MARCHF1: variants seen among roughly 807,000 people sequenced by gnomAD.
MARCHF1 encodes E3 ubiquitin-protein ligase MARCHF1.
In MARCHF1, 40 loss-of-function variants were observed where a neutral mutation model predicts 54.2. That is an observed-to-expected ratio of 0.74 (90% CI 0.57 to 0.96). The LOEUF (loss-of-function observed/expected upper bound fraction) is 0.96, where lower values mean the gene tolerates loss of function less well. Ranked by LOEUF, MARCHF1 falls within the 40% of genes least tolerant of loss-of-function variation. MARCHF1 has a pLI of 0.00. For synonymous variants in MARCHF1, 236 were observed against 236.3 expected (o/e 1.00, Z 0.01); for missense variants, 586 against 656.5 (o/e 0.89, Z 1.17).
At chr4:163,949,019 C>T (rs1752077688) in intron 3 of MARCHF1, among the ~76,000 whole-genome samples, 1 of 152,208 alleles carries the variant, frequency 6.6e-6, no homozygotes, top group African/African-American at 2.4e-5. Context: ...ATCTCTGTGG[C>T]CAATGGCACC....
At chr4:164,245,554 C>G (rs1732922127) in intron 1 of MARCHF1, among the ~76,000 whole-genome samples, 1 of 151,702 alleles carries the variant, frequency 6.6e-6, no homozygotes, top group Admixed American at 6.6e-5. Flanking sequence ...CAGGGATGCC[C>G]TCTCTTAGCA....
In MARCHF1 at chr4:163,842,018, C is replaced by G. The variant is rs79871289; in HGVS notation, c.111+12003G>C. On this transcript the variant is annotated intron_variant, in intron 4 of 9. Transcript: ENST00000514618. ...TAAAAATAATTTAACGGGCCATCAA[C>G]TAAGAGGTGGCTTTTGGCTTTTAAC... Among the ~76,000 whole-genome samples the G allele has an allele frequency of 6.8e-3, 1,037 of 152,226 alleles. 6 individuals are homozygous for G. Among genetic ancestry groups the G allele is most frequent in the South Asian group, 0.028 (137 of 4,824 alleles).
At chr4:164,043,415 C>A (rs957310813) in intron 2 of MARCHF1, among the ~76,000 whole-genome samples, 7 of 152,200 alleles carry the variant, frequency 4.6e-5, no homozygotes, top group Non-Finnish European at 8.8e-5. Flanking sequence ...ATGGCCCAAG[C>A]TGTACCTTTA....
At position 163,545,586 on chromosome 4, in the gene MARCHF1, GT is replaced by G. The variant is rs753576734; in HGVS notation, c.1339+9del. The G allele has an allele frequency of 6.2e-7, 1 of 1,610,046 alleles. No homozygotes were observed. Among genetic ancestry groups the G allele is most frequent in the Non-Finnish European group, 8.5e-7 (1 of 1,178,200 alleles). On this transcript the variant is annotated intron_variant, in intron 9 of 9. Transcript: ENST00000514618. ...GATCCAAGAGGGTAAGAAGAAAGAT[GT>G]GCTCTTACCATTGTCATTGCCTTGC...
chr4:163,555,737 GTC>G (rs1266805622), intron 8 of MARCHF1: 1 of 285,872 alleles, frequency 3.5e-6, no homozygotes, highest in Non-Finnish European at 7.2e-6. Flanking sequence ...CAGTGGCATA[GTC>G]TCTCTTCCCC....
intron 1 of MARCHF1, among the ~76,000 whole-genome samples, chr4:164,347,379 TG>T (rs376777533): frequency 7.5e-4 from 114 of 152,308 alleles, no homozygotes; most frequent in African/African-American, 2.7e-3. Flanking sequence ...TTCTTTTCTT[TG>T]CCAGAAACAA....
chr4:163,740,864 C>T (rs1746175643), intron 4 of MARCHF1, among the ~76,000 whole-genome samples: 1 of 152,148 alleles, frequency 6.6e-6, no homozygotes, highest in African/African-American at 2.4e-5. Context: ...ATAGTGGCAA[C>T]CACAGGAAAG....
intron 5 of MARCHF1, among the ~76,000 whole-genome samples, chr4:163,678,403 T>C (rs558381774): frequency 7.2e-5 from 11 of 152,300 alleles, no homozygotes; most frequent in Admixed American, 2.6e-4. Flanking sequence ...TTAAAACAGG[T>C]CAAGTGTAAC....
At chr4:163,744,711 T>C (rs2110748523) in intron 4 of MARCHF1, among the ~76,000 whole-genome samples, 1 of 152,356 alleles carries the variant, frequency 6.6e-6, no homozygotes, top group African/African-American at 2.4e-5. Flanking sequence ...CACCTTTTCC[T>C]TGTAAAACAA....
chr4:163,758,952 CTTA>C (rs1468970882), intron 4 of MARCHF1, among the ~76,000 whole-genome samples: 1 of 152,014 alleles, frequency 6.6e-6, no homozygotes, highest in Non-Finnish European at 1.5e-5. Flanking sequence ...GGAAAGGCTT[CTTA>C]TTACTAGTAT....
chr4:164,075,276 C>T (rs892371119), intron 2 of MARCHF1, among the ~76,000 whole-genome samples: 7 of 152,220 alleles, frequency 4.6e-5, no homozygotes, highest in Admixed American at 2.6e-4. Context: ...ACTGTATCCA[C>T]ACCCTTTTGT....
chr4:163,945,368 G>T (rs1579412629), intron 3 of MARCHF1, among the ~76,000 whole-genome samples: 3 of 152,214 alleles, frequency 2.0e-5, no homozygotes, highest in Admixed American at 2.0e-4. Context: ...TGAGATATTT[G>T]ATAATAAGCA....
intron 1 of MARCHF1, chr4:164,197,826 C>A: frequency 2.7e-6 from 4 of 1,507,920 alleles, no homozygotes; most frequent in South Asian, 1.3e-5. Flanking sequence ...CCGCTCGGTT[C>A]TCGAGCCCCA....
intron 3 of MARCHF1, among the ~76,000 whole-genome samples, chr4:163,878,349 T>C (rs1457578655): frequency 6.6e-6 from 1 of 152,202 alleles, no homozygotes; most frequent in African/African-American, 2.4e-5. Context: ...TTTTGATCTG[T>C]GCTTAGACAG....
At chr4:163,769,643 T>C (rs1489372748) in intron 4 of MARCHF1, among the ~76,000 whole-genome samples, 1 of 152,200 alleles carries the variant, frequency 6.6e-6, no homozygotes, top group Non-Finnish European at 1.5e-5. Context: ...AGCAGTATTC[T>C]AGCCAACTTT....
At chr4:164,132,282 A>G (rs1412886048) in intron 1 of MARCHF1, among the ~76,000 whole-genome samples, 1 of 152,074 alleles carries the variant, frequency 6.6e-6, no homozygotes. Flanking sequence ...TTTTTAAACA[A>G]TCACTTTTTT....
chr4:164,100,750 G>A (rs990384741), intron 2 of MARCHF1, among the ~76,000 whole-genome samples: 3 of 152,178 alleles, frequency 2.0e-5, no homozygotes, highest in African/African-American at 7.2e-5. Context: ...GAATAAGCTG[G>A]GGGAGGAGCC....
At chr4:164,176,857 C>G (rs1270394798) in intron 1 of MARCHF1, among the ~76,000 whole-genome samples, 1 of 150,260 alleles carries the variant, frequency 6.7e-6, no homozygotes, top group Admixed American at 6.6e-5. Context: ...AACCATCAGG[C>G]CTTCTGATTC....
At chr4:164,377,304 G>A (rs762353337) in intron 1 of MARCHF1, among the ~76,000 whole-genome samples, 25 of 152,094 alleles carry the variant, frequency 1.6e-4, no homozygotes, top group Non-Finnish European at 2.8e-4. Flanking sequence ...CTATATTTCC[G>A]TGAATTGGTC....
Sources: gnomAD v4.1 joint callset for allele counts (sites outside exome capture counted in the v4.1 genomes callset) on GRCh38, gnomAD v4.1.1 for gene constraint, MANE v1.5 for transcripts, NCBI Gene and HGNC (gene_info 2026-07-23, HGNC 2026-07-21) for gene names.